PI4KA: variants seen among roughly 807,000 people sequenced by gnomAD.
The protein encoded by PI4KA is PI4-kinase alpha.
A neutral mutation model predicts 271.4 loss-of-function variants in PI4KA; 122 were observed. The observed-to-expected ratio is 0.45, with a 90% confidence interval of 0.39 to 0.52. The LOEUF (loss-of-function observed/expected upper bound fraction) is 0.52. Ranked by LOEUF, PI4KA falls within the 20% of genes least tolerant of loss-of-function variation. The pLI is 0.00. For missense variants in PI4KA, 1,969 were observed against 2,769.1 expected (o/e 0.71, Z 6.48); for synonymous variants, 1,041 against 1,078.8 (o/e 0.96, Z 0.69).
At position 20,707,868 on chromosome 22, in the gene PI4KA, T is replaced by A. The variant is rs1198858850; in HGVS notation, c.*179A>T. On this transcript the variant is annotated 3_prime_UTR_variant, in exon 55 of 55. Coordinates refer to ENST00000255882, the MANE Select transcript of PI4KA (RefSeq NM_058004.4). ...CACCATCCATTGATTGTCGCTGCAG[T>A]CCATGGCGTTACCAAGGCTGCGCCA... 5.5e-6 allele frequency: 4 copies of A among 724,360 alleles called. No individual in the cohort carries two copies. Among genetic ancestry groups the A allele is most frequent in the Non-Finnish European group, 1.0e-5 (4 of 392,002 alleles). The allele number at this position is 724,360 out of a possible 1,614,324, so 44.9% of individuals were successfully genotyped here.
At chr22:20,794,612 A>T (rs1934868736) in intron 18 of PI4KA, among the ~76,000 whole-genome samples, 1 of 151,638 alleles carries the variant, frequency 6.6e-6, no homozygotes, top group Non-Finnish European at 1.5e-5. Flanking sequence ...TCACAGGGGG[A>T]CTCCTTCATG....
intron 15 of PI4KA, 135 bp from the exon 16 acceptor site, chr22:20,799,411 C>T (rs746264422): frequency 3.3e-6 from 3 of 907,188 alleles, no homozygotes; most frequent in African/African-American, 3.4e-5. Flanking sequence ...ACTGACAGCC[C>T]AGGATTTTAA....
Position 20,796,001 on chromosome 22 carries a change from C to T in PI4KA, c.2277+145G>A, listed in dbSNP as rs1934961572. 8 of 741,794 alleles carry T rather than the reference C, an allele frequency of 1.1e-5. No individual in the cohort carries two copies. The East Asian group carries it at 1.4e-4, about 13-fold the overall frequency. The allele number at this position is 741,794 out of a possible 1,614,324, so 46.0% of individuals were successfully genotyped here. On this transcript the variant is annotated intron_variant, in intron 18 of 54. Transcript: ENST00000255882. ...CACCAGCATCCTTGAGAAAGAACCC[C>T]ACCCCTTCTTACTTGCATTCCAGGC...
Position 20,718,830 on chromosome 22 carries a change from G to A in PI4KA, c.5117-8C>T, listed in dbSNP as rs202107498. ...GGAGGTCGCCGATGTCAGCTGCCAA[G>A]GAAGCAAAGAGGCTTAAGTCTCTGT... On this transcript the variant is annotated splice_region_variant and splice_polypyrimidine_tract_variant and intron_variant, in intron 43 of 54. Coordinates refer to ENST00000255882, the MANE Select transcript of PI4KA (RefSeq NM_058004.4). The A allele has an allele frequency of 5.0e-6, 8 of 1,613,462 alleles. No individual in the cohort carries two copies. Among genetic ancestry groups the A allele is most frequent in the Non-Finnish European group, 6.8e-6 (8 of 1,179,910 alleles).
Position 20,729,333 on chromosome 22 carries a change from T to G in PI4KA, c.4662A>C (p.Leu1554=), listed in dbSNP as rs752854722. 12 of 1,613,698 alleles carry G rather than the reference T, an allele frequency of 7.4e-6. No homozygotes were observed. Among genetic ancestry groups the G allele is most frequent in the Non-Finnish European group, 1.0e-5 (12 of 1,179,880 alleles). ...CCCACCTGGCAGGCAGCTGCACGGC[T>G]AGGTAGGGAGAGATGCTCCAGGCGA... ...VNLAWSISPY[L]AVQLPARFKN... is the part of the protein sequence containing the mutation. Residue 1554 remains leucine, a synonymous_variant, in exon 39 of 55, where the codon CTA becomes CTC. Coordinates refer to ENST00000255882, the MANE Select transcript of PI4KA (RefSeq NM_058004.4).
chr22:20,744,485 A>C (rs562667172), intron 30 of PI4KA, 143 bp downstream of exon 30: 4 of 597,634 alleles, frequency 6.7e-6, no homozygotes, highest in Non-Finnish European at 1.2e-5. Flanking sequence ...AATCCTCCTA[A>C]AATGTGCTCT....
chr22:20,712,340 C>A, intron 50 of PI4KA, 146 bp downstream of exon 50: 1 of 1,541,856 alleles, frequency 6.5e-7, no homozygotes, highest in Non-Finnish European at 8.7e-7. Context: ...CAGGTGTGAG[C>A]CACCGTGCCC....
At chr22:20,803,404 C>T in intron 12 of PI4KA, 84 bp from the exon 13 acceptor site, 1 of 1,556,226 alleles carries the variant, frequency 6.4e-7, no homozygotes, top group Non-Finnish European at 8.8e-7. Flanking sequence ...CTCAACCCTT[C>T]AGTACCCAAG....
chr22:20,831,603 AAAAACAAAAAC>A (rs147892635), intron 3 of PI4KA, among the ~76,000 whole-genome samples: 65,709 of 142,742 alleles, frequency 0.46, 15,002 homozygotes, highest in African/African-American at 0.57. Flanking sequence ...AAACAAAAAC[AAAAACAAAAAC>A]AAAACAAAAC....
chr22:20,750,007 G>GA lies in PI4KA; in HGVS notation c.3154-14dup, dbSNP rs750224260. The GA allele has an allele frequency of 3.1e-6, 5 of 1,587,670 alleles. No homozygotes were observed. Among genetic ancestry groups the GA allele is most frequent in the Middle Eastern group, 1.7e-4 (1 of 5,948 alleles). ...CCTTCACAATGCTCTGGAAGAGGGT[G>GA]AAGCTGCTTCTCAACAACCCGAGGT... On this transcript the variant is annotated splice_polypyrimidine_tract_variant and intron_variant, in intron 27 of 54. Transcript: ENST00000255882.
In PI4KA at chr22:20,821,695, G is replaced by T. The variant is rs190960625; in HGVS notation, c.457-1084C>A. On this transcript the variant is annotated intron_variant, in intron 4 of 54. Coordinates refer to ENST00000255882, the MANE Select transcript of PI4KA (RefSeq NM_058004.4). ...CAACCTCCGCCTCCTGGGTTCAAGC[G>T]ATTCTCCTGCCTCAGCCTCCTTAGC... Among the ~76,000 whole-genome samples, 91 of 152,096 alleles carry T rather than the reference G, an allele frequency of 6.0e-4. No homozygotes were observed. In the East Asian group the frequency reaches 0.015, roughly 25 times the overall value.
intron 29 of PI4KA, 71 bp downstream of exon 29, chr22:20,747,510 GCT>G: frequency 6.5e-7 from 1 of 1,538,978 alleles, no homozygotes; most frequent in South Asian, 1.2e-5. Flanking sequence ...CGACAGCCGA[GCT>G]CTAAGCCTTC....
intron 1 of PI4KA, among the ~76,000 whole-genome samples, chr22:20,851,558 G>A (rs894834848): frequency 2.6e-5 from 4 of 152,032 alleles, no homozygotes; most frequent in Non-Finnish European, 2.9e-5. Context: ...GGCTGGTCTC[G>A]AACTCCTGAC....
intron 36 of PI4KA, among the ~76,000 whole-genome samples, chr22:20,731,809 G>T (rs1368773994): frequency 6.6e-6 from 1 of 152,016 alleles, no homozygotes; most frequent in South Asian, 2.1e-4. Flanking sequence ...AGCGCCTGTA[G>T]TCCCAGCTAC....
chr22:20,743,176 C>T (rs1456238499), intron 30 of PI4KA, among the ~76,000 whole-genome samples: 1 of 152,172 alleles, frequency 6.6e-6, no homozygotes, highest in Non-Finnish European at 1.5e-5. Flanking sequence ...GAGGGAGTCT[C>T]GCTCTGATGC....
intron 18 of PI4KA, among the ~76,000 whole-genome samples, chr22:20,794,161 G>C (rs1399090060): frequency 3.9e-5 from 6 of 152,204 alleles, no homozygotes; most frequent in Non-Finnish European, 7.4e-5. Flanking sequence ...GGGCCACAAG[G>C]GTGGCCCTGC....
chr22:20,721,871 C>T (rs896747504), intron 42 of PI4KA: 9 of 164,048 alleles, frequency 5.5e-5, no homozygotes, highest in Admixed American at 5.2e-4. Flanking sequence ...GGTTTTGTGT[C>T]CCCACCCAAA....
rs1927986954 is a variant in PI4KA at position 20,858,703 on chromosome 22, C to T, written c.23G>A (p.Gly8Glu). MAAAPAR[G>E]GGGGGGGGGG... ...GCCGCCTCCGCCTCCGCCTCCGCCT[C>T]CCCGGGCCGGGGCCGCCGCCATCAC... The change falls in exon 1 of 55, where the codon GGA (glycine) becomes GAA (glutamate). Residue 8 changes from glycine to glutamate, a missense_variant. By Grantham distance (98) the Gly-to-Glu change is moderately conservative. Around this residue, in one of 13 missense-constraint regions of PI4KA, gnomAD observed 540 missense variants for 555.5 expected, o/e 0.97. Coordinates refer to ENST00000255882, the MANE Select transcript of PI4KA (RefSeq NM_058004.4). 2.1e-6 allele frequency: 3 copies of T among 1,461,406 alleles called. No homozygotes were observed. The highest frequency in any genetic ancestry group is 2.7e-6 in the Non-Finnish European group (3 of 1,111,482). The allele number at this position is 1,461,406 out of a possible 1,614,324, so 90.5% of individuals were successfully genotyped here.
rs767554127 is a variant in PI4KA at position 20,729,457 on chromosome 22, G to A, written c.4538C>T (p.Pro1513Leu). 1.4e-5 allele frequency: 22 copies of A among 1,610,332 alleles called. No homozygotes were observed. The highest frequency in any genetic ancestry group is 1.6e-4 in the Middle Eastern group (1 of 6,080). ...LITWYNPLSAPELELDQAGEN... is the reference protein window; with the variant it reads ...LITWYNPLSALELELDQAGEN... ...TCCGGCCTGGTCTAGTTCCAGTTCCGGGGCTGACAGCGGGTTGTACCATGT... is the reference window on the plus strand; with the variant it reads ...TCCGGCCTGGTCTAGTTCCAGTTCCAGGGCTGACAGCGGGTTGTACCATGT... Residue 1513 changes from proline (P) to leucine (L), a missense_variant, in exon 39 of 55, where the codon CCG (proline) becomes CTG (leucine). Pro to Leu is a moderately conservative substitution (Grantham distance 98, BLOSUM62 -3). This residue lies in a region of PI4KA where 388 missense variants were observed against 521.5 expected (regional missense o/e 0.74). Transcript: ENST00000255882.
Sources: allele counts gnomAD v4.1 joint callset (sites outside exome capture counted in the v4.1 genomes callset), GRCh38; gene constraint gnomAD v4.1.1; regional missense constraint gnomAD v4.1.1; transcripts MANE v1.5; gene names NCBI Gene and HGNC (gene_info 2026-07-23, HGNC 2026-07-21).